Variants in LUZP2 observed in about 807,000 individuals in gnomAD.
The protein encoded by LUZP2 is leucine zipper protein 2.
Under a neutral mutation model 51.6 loss-of-function variants are expected in LUZP2, and 52 were observed. The observed-to-expected ratio is 1.01, with a 90% CI of 0.81 to 1.27. The LOEUF (loss-of-function observed/expected upper bound fraction) is 1.27, where lower values mean the gene tolerates loss of function less well. Ranked by LOEUF, LUZP2 falls within the 50% of genes most tolerant of loss-of-function variation. The pLI, the probability that LUZP2 is intolerant of heterozygous loss-of-function variation, is 0.00. For missense variants in LUZP2, 436 were observed against 395.4 expected (o/e 1.10, Z -0.87); for synonymous variants, 154 against 137.3 (o/e 1.12, Z -0.85).
intron 1 of LUZP2, among the ~76,000 whole-genome samples, chr11:24,697,099 T>C (rs1857273142): frequency 6.6e-6 from 1 of 152,142 alleles, no homozygotes; most frequent in Non-Finnish European, 1.5e-5. Context: ...GAAAAGACTT[T>C]GGATTTTCTT....
chr11:24,552,089 G>A (rs1851740702), intron 1 of LUZP2, among the ~76,000 whole-genome samples: 1 of 152,004 alleles, frequency 6.6e-6, no homozygotes, highest in Non-Finnish European at 1.5e-5. Context: ...TATAAGGCTA[G>A]TGTGATATGG....
At chr11:24,898,357 G>T (rs1372098860) in intron 5 of LUZP2, among the ~76,000 whole-genome samples, 2 of 152,154 alleles carry the variant, frequency 1.3e-5, no homozygotes, top group African/African-American at 2.4e-5. Flanking sequence ...GGGCGCGGTG[G>T]CTCATGCCTA....
intron 10 of LUZP2, among the ~76,000 whole-genome samples, chr11:25,071,544 T>G (rs544004771): frequency 6.6e-6 from 1 of 152,132 alleles, no homozygotes; most frequent in African/African-American, 2.4e-5. Flanking sequence ...TTGAAAAGTC[T>G]TTCTACAAAT....
chr11:24,918,220 T>C (rs140427921), intron 7 of LUZP2, among the ~76,000 whole-genome samples: 19 of 152,276 alleles, frequency 1.2e-4, no homozygotes, highest in African/African-American at 4.1e-4. Context: ...GCTTATCAGC[T>C]TATGGAGATT....
intron 5 of LUZP2, among the ~76,000 whole-genome samples, chr11:24,784,836 G>A (rs1849195283): frequency 6.6e-6 from 1 of 152,014 alleles, no homozygotes; most frequent in Non-Finnish European, 1.5e-5. Context: ...TATTGTATAT[G>A]ATTAGACATA....
chr11:24,754,799 G>T (rs1324015016), intron 4 of LUZP2, among the ~76,000 whole-genome samples: 1 of 152,264 alleles, frequency 6.6e-6, no homozygotes, highest in South Asian at 2.1e-4. Flanking sequence ...TCAGTAGTGA[G>T]CTGTAGGTCC....
At chr11:25,057,066 CT>C (rs1858710981) in intron 10 of LUZP2, among the ~76,000 whole-genome samples, 1 of 152,054 alleles carries the variant, frequency 6.6e-6, no homozygotes, top group Non-Finnish European at 1.5e-5. Flanking sequence ...TGCCACTGCA[CT>C]TTGAGAAATT....
At chr11:24,756,568 G>C (rs933882908) in intron 4 of LUZP2, among the ~76,000 whole-genome samples, 1 of 152,088 alleles carries the variant, frequency 6.6e-6, no homozygotes, top group Non-Finnish European at 1.5e-5. Context: ...TTTCCGAGCT[G>C]TGTTTCCCTG....
chr11:24,584,156 T>C (rs1445282417), intron 1 of LUZP2, among the ~76,000 whole-genome samples: 1 of 152,208 alleles, frequency 6.6e-6, no homozygotes, highest in Non-Finnish European at 1.5e-5. Context: ...CCTGCCATCA[T>C]TGCAGTAGCC....
chr11:25,043,941 C>CATATATCTGATATATATATATAGTCCAT (rs1858163219), intron 9 of LUZP2, among the ~76,000 whole-genome samples: 1 of 69,460 alleles, frequency 1.4e-5, no homozygotes, highest in South Asian at 4.5e-4. Context: ...TAGTCCTCTA[C>CATATATCTGATATATATATATAGTCCAT]ATATATCTGA....
At chr11:24,864,096 T>A (rs1209276036) in intron 5 of LUZP2, among the ~76,000 whole-genome samples, 1 of 152,166 alleles carries the variant, frequency 6.6e-6, no homozygotes, top group Non-Finnish European at 1.5e-5. Context: ...TATACTGTAA[T>A]TAAGAAAACT....
intron 7 of LUZP2, among the ~76,000 whole-genome samples, chr11:24,930,292 T>C (rs576542650): frequency 7.9e-5 from 12 of 152,134 alleles, no homozygotes; most frequent in South Asian, 2.1e-4. Flanking sequence ...CCTGAATACG[T>C]TTTTTTTCAT....
rs182656806 is a variant in LUZP2, at chr11:24,602,739, T to G, written c.62+105434T>G. Among the ~76,000 whole-genome samples the G allele has an allele frequency of 1.4e-3, 210 of 151,822 alleles. 1 individual carries two copies. In the Middle Eastern group the frequency reaches 0.017, roughly 12 times the overall value. ...GAAAACGCCAAACTGAAAAGCACCTTGGATGTATGGGCACAATCAGGTTCT... is the reference window on the plus strand; with the variant it reads ...GAAAACGCCAAACTGAAAAGCACCTGGGATGTATGGGCACAATCAGGTTCT... On this transcript the variant is annotated intron_variant, in intron 1 of 11. Coordinates refer to ENST00000336930, the MANE Select transcript of LUZP2 (RefSeq NM_001009909.4).
At chr11:25,019,836 T>C (rs577964106) in intron 9 of LUZP2, among the ~76,000 whole-genome samples, 2 of 152,080 alleles carry the variant, frequency 1.3e-5, no homozygotes, top group Admixed American at 6.6e-5. Context: ...GGATCGCATA[T>C]TGTTTGGATC....
At chr11:24,728,845 G>C (rs1041916686) in intron 1 of LUZP2, among the ~76,000 whole-genome samples, 1 of 151,934 alleles carries the variant, frequency 6.6e-6, no homozygotes, top group Non-Finnish European at 1.5e-5. Context: ...AGGTTTAGTG[G>C]ATTCCACGTG....
At chr11:24,711,652 A>T (rs1003887042) in intron 1 of LUZP2, among the ~76,000 whole-genome samples, 1 of 152,076 alleles carries the variant, frequency 6.6e-6, no homozygotes, top group African/African-American at 2.4e-5. Flanking sequence ...ACTATTTAAA[A>T]TTTGTAATTT....
At chr11:24,599,059 C>T (rs1853538085) in intron 1 of LUZP2, among the ~76,000 whole-genome samples, 1 of 152,124 alleles carries the variant, frequency 6.6e-6, no homozygotes, top group African/African-American at 2.4e-5. Flanking sequence ...TTCCCTGGTG[C>T]TGTACTAATT....
rs1443709132 is a variant in LUZP2, at chr11:24,946,426, A to G, written c.523-30165A>G. Among the ~76,000 whole-genome samples, 4 of 151,422 alleles carry G rather than the reference A, an allele frequency of 2.6e-5. No homozygotes were observed. In the East Asian group the frequency reaches 7.7e-4, roughly 29 times the overall value. On this transcript the variant is annotated intron_variant, in intron 7 of 11. Transcript: ENST00000336930. ...TATTTTGTTCCCCTGATGCTATTTT[A>G]CTGTCTTTTTTGTATAATGTGATGC...
intron 5 of LUZP2, among the ~76,000 whole-genome samples, chr11:24,795,223 CTTA>C (rs1849515607): frequency 6.6e-6 from 1 of 151,922 alleles, no homozygotes; most frequent in South Asian, 2.1e-4. Context: ...TGTCATTATT[CTTA>C]TTATGTATCA....
Sources: allele counts gnomAD v4.1 joint callset (sites outside exome capture counted in the v4.1 genomes callset), GRCh38; gene constraint gnomAD v4.1.1; transcripts MANE v1.5; gene names NCBI Gene and HGNC (gene_info 2026-07-23, HGNC 2026-07-21).